The following DNAH9 variants were observed in gnomAD, a reference collection of about 807,000 sequenced individuals.
DNAH9 encodes the protein dynein axonemal heavy chain 9.
DNAH9 carries 345 observed loss-of-function variants against 471.6 expected under a neutral mutation model. That is an observed-to-expected ratio of 0.73 (90% CI 0.67 to 0.80). The LOEUF is 0.80. Ranked by LOEUF, DNAH9 falls within the 30% of genes least tolerant of loss-of-function variation. The pLI is 0.00. For synonymous variants in DNAH9, 2,093 were observed against 2,123.6 expected, an observed-to-expected ratio of 0.99 and a Z score of 0.40; for missense variants, 5,407 against 5,609.2, an observed-to-expected ratio of 0.96 and a Z score of 1.15.
At chr17:11,879,321 A>G (rs1972625917) in intron 53 of DNAH9, among the ~76,000 whole-genome samples, 3 of 152,148 alleles carry the variant, frequency 2.0e-5, no homozygotes, top group Non-Finnish European at 2.9e-5. Flanking sequence ...TTGTTGATAT[A>G]TATAAAATAT....
At position 11,740,978 on chromosome 17, in the gene DNAH9, T is replaced by C. The variant is rs2075424809; in HGVS notation, c.5973-1197T>C. 2.2e-4 allele frequency among the ~76,000 whole-genome samples: 3 copies of C among 13,742 alleles called. No individual in the cohort carries two copies. The South Asian group carries it at 0.12, about 529-fold the overall frequency. 9.0% of individuals were successfully genotyped at this position (13,742 alleles called of 152,430 possible). Reference sequence around the variant, plus strand: ...TTAGTATCCTACTTTCATTAACTAATGTTTCTTTGTCATTATATAATTTAC... The same window carrying C: ...TTAGTATCCTACTTTCATTAACTAACGTTTCTTTGTCATTATATAATTTAC... On this transcript the variant is annotated intron_variant, in intron 29 of 68. Transcript: ENST00000262442.
In DNAH9 at chr17:11,621,496, G is replaced by A. The variant is rs1395625376; in HGVS notation, c.1350+1715G>A. On this transcript the variant is annotated intron_variant, in intron 6 of 68. Transcript: ENST00000262442. The stretch of plus-strand genomic sequence containing the variant: ...CCAGCTGTCATGAGCAGGTTTGGAG[G>A]AAAGAGAGCTATGCTGGGAGGAAGC... Among the ~76,000 whole-genome samples the A allele has an allele frequency of 3.9e-5, 6 of 152,144 alleles. 1 individual carries two copies. In the Middle Eastern group the frequency reaches 0.014, roughly 345 times the overall value.
In DNAH9 at chr17:11,679,834, G is replaced by T. The variant is rs560638458; in HGVS notation, c.3431G>T (p.Gly1144Val). 3.7e-6 allele frequency: 6 copies of T among 1,614,112 alleles called. No homozygotes were observed. In the South Asian group the frequency reaches 4.4e-5, roughly 12 times the overall value. The change falls in exon 18 of 69, where the codon GGC (glycine) becomes GTC (valine). Residue 1144 changes from glycine to valine, a missense_variant. Physicochemically the swap from Gly to Val is moderately radical, Grantham distance 109 (BLOSUM62 -3). Around this residue, in one of 3 missense-constraint regions of DNAH9, gnomAD observed 4,636 missense variants for 4,900.3 expected, o/e 0.95. Coordinates refer to ENST00000262442, the MANE Select transcript of DNAH9 (RefSeq NM_001372.4). ...LKKVEKGDFQGLVEIMGHLMA... is the reference protein window; with the variant it reads ...LKKVEKGDFQVLVEIMGHLMA... ...AAAGTTGAAAAAGGAGATTTCCAAG[G>T]CTTGGTTGAGATCATGGGACACCTT...
intron 17 of DNAH9, 54 bp from the exon 18 acceptor site, chr17:11,679,703 C>A: frequency 2.4e-6 from 3 of 1,271,882 alleles, no homozygotes; most frequent in Non-Finnish European, 3.4e-6. Flanking sequence ...AATACATCTG[C>A]CTTTCGAGAA....
chr17:11,736,769 T>C (rs760102734), intron 28 of DNAH9, among the ~76,000 whole-genome samples: 2 of 152,224 alleles, frequency 1.3e-5, no homozygotes, highest in Non-Finnish European at 1.5e-5. Flanking sequence ...GCATCATAAA[T>C]TCTTGCTGAG....
chr17:11,609,283 A>G (rs2072576617), intron 2 of DNAH9, among the ~76,000 whole-genome samples: 1 of 152,218 alleles, frequency 6.6e-6, no homozygotes, highest in Admixed American at 6.5e-5. Context: ...TCCTACATAT[A>G]CAATTTGAAG....
rs892296553 is a variant in DNAH9 at position 11,915,798 on chromosome 17, C to T, written c.11750-8016C>T. 3.3e-5 allele frequency among the ~76,000 whole-genome samples: 5 copies of T among 152,232 alleles called. No homozygotes were observed. In the South Asian group the frequency reaches 6.2e-4, roughly 19 times the overall value. ...CCCTGGAAGACCATTTGATTCTCAA[C>T]TAGAGATTCTTACAGCACTCTATGT... is the stretch of plus-strand genomic sequence containing the variant. On this transcript the variant is annotated intron_variant, in intron 61 of 68. Coordinates refer to ENST00000262442, the MANE Select transcript of DNAH9 (RefSeq NM_001372.4).
rs1273809007 is a variant in DNAH9, at chr17:11,763,606, C to A, written c.7162C>A (p.Gln2388Lys). The A allele has an allele frequency of 6.2e-7, 1 of 1,613,900 alleles. No individual in the cohort carries two copies. Among genetic ancestry groups the A allele is most frequent in the South Asian group, 1.1e-5 (1 of 91,060 alleles). ...AIWAFGGAMVQDQLVDYRAEF... is the reference protein window; with the variant it reads ...AIWAFGGAMVKDQLVDYRAEF... ...CTGGGCTTTCGGCGGAGCAATGGTC[C>A]AAGATCAGGTAAGGAGATATGTTGA... The change falls in exon 36 of 69, where the codon CAA becomes AAA. Residue 2388 changes from glutamine (Q) to lysine (K), a missense_variant. Gln to Lys is a moderately conservative substitution (Grantham distance 53). This residue lies in a region of DNAH9 where 4,636 missense variants were observed against 4,900.3 expected (regional missense o/e 0.95). Coordinates refer to ENST00000262442, the MANE Select transcript of DNAH9 (RefSeq NM_001372.4).
chr17:11,944,359 G>A (rs1043937733), intron 67 of DNAH9, among the ~76,000 whole-genome samples: 29 of 152,200 alleles, frequency 1.9e-4, no homozygotes, highest in Non-Finnish European at 3.7e-4. Context: ...AGTATTGTGT[G>A]TGGGATAAGG....
At chr17:11,675,085 T>C (rs1294092797) in intron 17 of DNAH9, among the ~76,000 whole-genome samples, 1 of 152,232 alleles carries the variant, frequency 6.6e-6, no homozygotes, top group East Asian at 1.9e-4. Flanking sequence ...TGAATATTCT[T>C]GTCCAAGAAC....
At chr17:11,938,974 GC>G (rs1974806903) in intron 66 of DNAH9, among the ~76,000 whole-genome samples, 1 of 152,270 alleles carries the variant, frequency 6.6e-6, no homozygotes, top group African/African-American at 2.4e-5. Context: ...CAAACTTTTA[GC>G]CTCTAGAGAC....
At chr17:11,805,053 CA>C (rs879760114) in intron 43 of DNAH9, among the ~76,000 whole-genome samples, 106 of 137,084 alleles carry the variant, frequency 7.7e-4, no homozygotes, top group Non-Finnish European at 6.3e-4. Context: ...GGCTCTGTCT[CA>C]AAAAAAAAAA....
intron 53 of DNAH9, 122 bp from the exon 54 acceptor site, chr17:11,879,956 C>A (rs533630585): frequency 1.7e-6 from 2 of 1,204,984 alleles, no homozygotes; most frequent in Non-Finnish European, 1.2e-6. Flanking sequence ...TGAAAACATT[C>A]CAAATAGCTG....
At chr17:11,779,180 A>G (rs1471754590) in intron 38 of DNAH9, among the ~76,000 whole-genome samples, 1 of 152,084 alleles carries the variant, frequency 6.6e-6, no homozygotes, top group Non-Finnish European at 1.5e-5. Flanking sequence ...GAATGTACAG[A>G]CGACCTTGGG....
chr17:11,780,360 C>T (rs1270640718), intron 38 of DNAH9, among the ~76,000 whole-genome samples: 4 of 152,182 alleles, frequency 2.6e-5, no homozygotes, highest in African/African-American at 9.7e-5. Context: ...TCTGGGAACA[C>T]TGTTGGCAAA....
chr17:11,716,335 C>A (rs1390895485), intron 26 of DNAH9, among the ~76,000 whole-genome samples: 2 of 152,112 alleles, frequency 1.3e-5, no homozygotes, highest in Non-Finnish European at 2.9e-5. Flanking sequence ...CCTGCCTCGG[C>A]CTCCCAAAGT....
At chr17:11,697,924 T>C (rs2074504317) in intron 22 of DNAH9, among the ~76,000 whole-genome samples, 1 of 151,454 alleles carries the variant, frequency 6.6e-6, no homozygotes, top group Non-Finnish European at 1.5e-5. Flanking sequence ...GTTTCTTTAA[T>C]GTAATTGAAA....
At chr17:11,651,851 T>C (rs1312762415) in intron 13 of DNAH9, among the ~76,000 whole-genome samples, 1 of 152,012 alleles carries the variant, frequency 6.6e-6, no homozygotes, top group African/African-American at 2.4e-5. Flanking sequence ...ACAACATAAC[T>C]TATACAGAGC....
chr17:11,691,359 C>T (rs146739431), intron 20 of DNAH9, among the ~76,000 whole-genome samples: 2 of 152,056 alleles, frequency 1.3e-5, no homozygotes, highest in African/African-American at 2.4e-5. Context: ...AAAAGGGGGC[C>T]GGGACAGAGG....
Sources: allele counts gnomAD v4.1 joint callset (sites outside exome capture counted in the v4.1 genomes callset), GRCh38; gene constraint gnomAD v4.1.1; regional missense constraint gnomAD v4.1.1; transcripts MANE v1.5; gene names NCBI Gene and HGNC (gene_info 2026-07-23, HGNC 2026-07-21).